The following HLCS variants were observed in gnomAD, a reference collection of about 807,000 sequenced individuals.
The protein encoded by HLCS is biotin--protein ligase.
Under a neutral mutation model 75.0 loss-of-function variants are expected in HLCS, and 53 were observed. The observed-to-expected ratio is 0.71, with a 90% CI of 0.57 to 0.89. HLCS has a LOEUF of 0.89. HLCS is among the 40% of genes least tolerant of loss of function. HLCS has a pLI of 0.00. For synonymous variants in HLCS, 431 were observed against 428.6 expected (o/e 1.01, Z -0.07); for missense variants, 966 against 1,074.0 (o/e 0.90, Z 1.41).
chr21:36,984,216 C>T (rs1378643209), intron 1 of HLCS, among the ~76,000 whole-genome samples: 2 of 28,192 alleles, frequency 7.1e-5, no homozygotes, highest in South Asian at 1.2e-3. Flanking sequence ...AGAGTAGTCC[C>T]CCCTTATCCA....
rs998665120 is a variant in HLCS at position 36,751,538 on chromosome 21, G to T, written c.*2708C>A. 3 of 152,470 alleles carry T rather than the reference G, an allele frequency of 2.0e-5. No individual in the cohort carries two copies. Among genetic ancestry groups the T allele is most frequent in the Admixed American group, 2.0e-4 (3 of 15,304 alleles). The allele number at this position is 152,470 out of a possible 1,614,324, so 9.4% of individuals were successfully genotyped here. A position where few individuals can be genotyped will look rare whatever the true frequency, so the allele number is the denominator to read the frequency against. On this transcript the variant is annotated 3_prime_UTR_variant, in exon 11 of 11. Coordinates refer to ENST00000674895, the MANE Select transcript of HLCS (RefSeq NM_001352514.2). ...CCAGAGGCTGCGCTCTGTGGCCTGT[G>T]CTCCCCCGACCTGTGCACCCGCACC...
chr21:36,905,794 G>A (rs2065423855), intron 5 of HLCS, among the ~76,000 whole-genome samples: 1 of 152,142 alleles, frequency 6.6e-6, no homozygotes, highest in Non-Finnish European at 1.5e-5. Context: ...GCTCACGTCT[G>A]TAATCCCAGC....
At chr21:36,886,964 T>C (rs953216474) in intron 6 of HLCS, among the ~76,000 whole-genome samples, 3 of 151,948 alleles carry the variant, frequency 2.0e-5, no homozygotes, top group Non-Finnish European at 4.4e-5. Flanking sequence ...CTGTCTCTAC[T>C]AAAAATACAA....
At chr21:36,943,921 A>C (rs1027472788) in intron 2 of HLCS, 1 of 152,190 alleles carries the variant, frequency 6.6e-6, no homozygotes, top group African/African-American at 2.4e-5. Context: ...TAGAGTTTAC[A>C]CAGATCATCA....
chr21:36,801,285 A>T (rs1280580860), intron 6 of HLCS, among the ~76,000 whole-genome samples: 1 of 152,204 alleles, frequency 6.6e-6, no homozygotes, highest in Non-Finnish European at 1.5e-5. Flanking sequence ...ACTGACCGCT[A>T]GAAATTGATT....
chr21:36,863,226 G>T (rs149198724), intron 6 of HLCS, among the ~76,000 whole-genome samples: 116 of 152,124 alleles, frequency 7.6e-4, no homozygotes, highest in African/African-American at 2.7e-3. Context: ...AAAAACAGTC[G>T]CATAGAATGA....
chr21:36,956,022 C>T (rs369888), intron 2 of HLCS, among the ~76,000 whole-genome samples: 131,760 of 151,986 alleles, frequency 0.87, 57,420 homozygotes, highest in East Asian at 0.95. Context: ...AGCATCTAGA[C>T]TTGTATAAGT....
chr21:36,905,981 C>T (rs1168814216), intron 5 of HLCS, among the ~76,000 whole-genome samples: 1 of 141,630 alleles, frequency 7.1e-6, no homozygotes, highest in Non-Finnish European at 1.5e-5. Context: ...ACCTGGGAGG[C>T]AGAGGTTGCA....
intron 6 of HLCS, chr21:36,804,059 T>C (rs1286773659): frequency 6.6e-6 from 1 of 152,360 alleles, no homozygotes; most frequent in African/African-American, 2.4e-5. Flanking sequence ...AGAATGAAGC[T>C]TAAAATTCAC....
intron 2 of HLCS, chr21:36,947,843 C>T: frequency 1.0e-6 from 1 of 985,466 alleles, no homozygotes; most frequent in Non-Finnish European, 1.2e-6. Flanking sequence ...GAAATCTCAA[C>T]AACCCACTGG....
intron 6 of HLCS, among the ~76,000 whole-genome samples, chr21:36,872,358 T>A (rs1057118801): frequency 6.8e-6 from 1 of 147,730 alleles, no homozygotes; most frequent in Admixed American, 6.8e-5. Flanking sequence ...ACCAGTGCAC[T>A]CCAGCCTGGG....
chr21:36,919,827 G>T (rs2066085630), intron 5 of HLCS, among the ~76,000 whole-genome samples: 1 of 152,124 alleles, frequency 6.6e-6, no homozygotes, highest in Non-Finnish European at 1.5e-5. Flanking sequence ...ATTTTAACTT[G>T]TTCCAATATA....
intron 1 of HLCS, among the ~76,000 whole-genome samples, chr21:36,978,809 C>T (rs888311140): frequency 1.3e-5 from 2 of 152,180 alleles, no homozygotes; most frequent in Non-Finnish European, 2.9e-5. Context: ...CAGCTGGGAA[C>T]TCCAGACACT....
chr21:36,902,791 C>G (rs7276185), intron 5 of HLCS, among the ~76,000 whole-genome samples: 32,059 of 151,774 alleles, frequency 0.21, 3,777 homozygotes, highest in African/African-American at 0.29. Flanking sequence ...TTGAGCACCA[C>G]GGAAGGTCAG....
chr21:36,782,776 G>A (rs990994057), intron 6 of HLCS, among the ~76,000 whole-genome samples: 14 of 151,956 alleles, frequency 9.2e-5, no homozygotes, highest in Middle Eastern at 3.2e-3. Context: ...TGAGACCAAC[G>A]TGGCCAACAT....
intron 6 of HLCS, among the ~76,000 whole-genome samples, chr21:36,833,614 T>TATATATA (rs1569076054): frequency 6.8e-6 from 1 of 146,516 alleles, no homozygotes; most frequent in South Asian, 2.1e-4. Flanking sequence ...TATATATATA[T>TATATATA]TTGATTTGGA....
intron 6 of HLCS, among the ~76,000 whole-genome samples, chr21:36,861,790 A>C (rs1347115302): frequency 6.6e-6 from 1 of 152,222 alleles, no homozygotes; most frequent in Admixed American, 6.5e-5. Context: ...TAATTCAAAT[A>C]CCATAAATCC....
At chr21:36,895,468 T>G (rs1317789938) in intron 6 of HLCS, among the ~76,000 whole-genome samples, 1 of 152,104 alleles carries the variant, frequency 6.6e-6, no homozygotes, top group Non-Finnish European at 1.5e-5. Flanking sequence ...AAAGTACCTA[T>G]GACATCACAA....
rs1040179235 is a variant in HLCS, at chr21:36,771,318, T to C, written c.1893-4033A>G. 2.4e-4 allele frequency among the ~76,000 whole-genome samples: 37 copies of C among 152,280 alleles called. 1 individual carries two copies. Among genetic ancestry groups the C allele is most frequent in the Middle Eastern group, 6.8e-3 (2 of 294 alleles). On this transcript the variant is annotated intron_variant, in intron 6 of 10. Coordinates refer to ENST00000674895, the MANE Select transcript of HLCS (RefSeq NM_001352514.2). ...GCAGTACCCATTTCATTATAACTAG[T>C]GAGCAGCTTATCTGATACTAACAAG... is the stretch of plus-strand genomic sequence containing the variant.
Sources: allele counts gnomAD v4.1 joint callset (sites outside exome capture counted in the v4.1 genomes callset), GRCh38; gene constraint gnomAD v4.1.1; transcripts MANE v1.5; gene names NCBI Gene and HGNC (gene_info 2026-07-23, HGNC 2026-07-21).